BDKRB2: variants seen among roughly 807,000 people sequenced by gnomAD.
The protein encoded by BDKRB2 is B2 bradykinin receptor.
Under a neutral mutation model 4.0 loss-of-function variants are expected in BDKRB2, and 6 were observed. The observed-to-expected ratio is 1.49, with a 90% CI of 0.81 to 2.93. The LOEUF (loss-of-function observed/expected upper bound fraction) is 2.93, where lower values mean the gene tolerates loss of function less well. BDKRB2 is among the 30% of genes most tolerant of loss of function. The probability of loss-of-function intolerance (pLI) is 0.00; values close to 1 mark genes in which losing one functional copy is unlikely to be tolerated. For missense variants in BDKRB2, 478 were observed against 520.1 expected, an observed-to-expected ratio of 0.92 and a Z score of 0.79; for synonymous variants, 225 against 215.3, an observed-to-expected ratio of 1.05 and a Z score of -0.40.
In BDKRB2 at chr14:96,205,847, T is replaced by C. The variant is rs150939500; in HGVS notation, c.-40+888T>C. Among the ~76,000 whole-genome samples the C allele has an allele frequency of 4.6e-3, 704 of 152,194 alleles. 1 individual carries two copies. Among genetic ancestry groups the C allele is most frequent in the Middle Eastern group, 0.017 (5 of 294 alleles). On this transcript the variant is annotated intron_variant, in intron 1 of 2. Coordinates refer to ENST00000554311, the MANE Select transcript of BDKRB2 (RefSeq NM_001379692.1). ...CGTGATTCGAGTTGCTGAGAGTAGG[T>C]CGTTTCCGCAGCCTGGGTGGAGGTG...
chr14:96,235,347 CAAAAAAAAAA>C (rs60409238), intron 1 of BDKRB2, among the ~76,000 whole-genome samples: 3 of 67,222 alleles, frequency 4.5e-5, no homozygotes, highest in African/African-American at 1.2e-4. Flanking sequence ...GACTCCGTCT[CAAAAAAAAAA>C]AAAAAAAAAA....
At chr14:96,220,159 C>A (rs1890524204) in intron 1 of BDKRB2, among the ~76,000 whole-genome samples, 1 of 152,044 alleles carries the variant, frequency 6.6e-6, no homozygotes, top group Non-Finnish European at 1.5e-5. Context: ...CAGAAGTCCC[C>A]AAGGGCATAG....
chr14:96,210,029 A>T (rs1890271230), intron 1 of BDKRB2, among the ~76,000 whole-genome samples: 1 of 152,016 alleles, frequency 6.6e-6, no homozygotes, highest in South Asian at 2.1e-4. Flanking sequence ...CATCATCATC[A>T]TCATCATAGC....
intron 1 of BDKRB2, among the ~76,000 whole-genome samples, chr14:96,224,262 A>G (rs1368064023): frequency 2.0e-5 from 3 of 152,162 alleles, no homozygotes; most frequent in Admixed American, 2.0e-4. Flanking sequence ...GGTATATTCC[A>G]AATTTTCCAT....
chr14:96,227,740 A>G (rs1890732564), intron 1 of BDKRB2, among the ~76,000 whole-genome samples: 1 of 152,080 alleles, frequency 6.6e-6, no homozygotes, highest in Non-Finnish European at 1.5e-5. Context: ...CACTGTGGCT[A>G]CTCCTCTGTA....
At chr14:96,222,852 T>C (rs903377595) in intron 1 of BDKRB2, among the ~76,000 whole-genome samples, 4 of 152,258 alleles carry the variant, frequency 2.6e-5, no homozygotes, top group South Asian at 2.1e-4. Context: ...TTATATCTCA[T>C]ATATAACCAA....
chr14:96,239,400 C>T, intron 2 of BDKRB2: 2 of 985,384 alleles, frequency 2.0e-6, no homozygotes, highest in Non-Finnish European at 2.4e-6. Flanking sequence ...TCATGGCTGT[C>T]CAAGCCCCAC....
intron 1 of BDKRB2, chr14:96,214,888 A>G (rs1890383007): frequency 6.6e-6 from 1 of 152,246 alleles, no homozygotes; most frequent in South Asian, 2.1e-4. Flanking sequence ...TCCATAAAGC[A>G]AGAAAAATCA....
chr14:96,210,545 T>C (rs1890280959), intron 1 of BDKRB2, among the ~76,000 whole-genome samples: 1 of 152,234 alleles, frequency 6.6e-6, no homozygotes, highest in Non-Finnish European at 1.5e-5. Context: ...TTACAATTGA[T>C]GTGTCCTTGT....
At chr14:96,208,201 C>A (rs916508820) in intron 1 of BDKRB2, among the ~76,000 whole-genome samples, 1 of 152,196 alleles carries the variant, frequency 6.6e-6, no homozygotes, top group Admixed American at 6.5e-5. Flanking sequence ...CCTCTGAGCT[C>A]CTCTGGTTTT....
chr14:96,242,359 A>G lies in BDKRB2; in HGVS notation c.*855A>G, dbSNP rs1196907119. On this transcript the variant is annotated 3_prime_UTR_variant, in exon 3 of 3. Transcript: ENST00000554311. The stretch of plus-strand genomic sequence containing the variant: ...TCCCTGCCTCAGTTCCCTCTTCTGT[A>G]ACATGAAGTCGTTGTGAGGGTTAAA... The G allele has an allele frequency of 2.6e-5, 4 of 152,266 alleles. No homozygotes were observed. The highest frequency in any genetic ancestry group is 6.5e-5 in the Admixed American group (1 of 15,288). The allele number at this position is 152,266 out of a possible 1,614,324, so 9.4% of individuals were successfully genotyped here. A position where few individuals can be genotyped will look rare whatever the true frequency, so the allele number is the denominator to read the frequency against.
chr14:96,230,576 G>A lies in BDKRB2; in HGVS notation c.-39-6493G>A, dbSNP rs546618255. On this transcript the variant is annotated intron_variant, in intron 1 of 2. Coordinates refer to ENST00000554311, the MANE Select transcript of BDKRB2 (RefSeq NM_001379692.1). The stretch of plus-strand genomic sequence containing the variant: ...CACCCAGCTAATTTTTATATTTTTA[G>A]TAGAGACGGGGCTTAATATTAGTTT... 2.1e-5 allele frequency among the ~76,000 whole-genome samples: 3 copies of A among 144,136 alleles called. No homozygotes were observed. The South Asian group carries it at 6.6e-4, about 32-fold the overall frequency. 94.6% of individuals were successfully genotyped at this position (144,136 alleles called of 152,430 possible).
intron 2 of BDKRB2, chr14:96,238,764 C>T: frequency 1.0e-6 from 1 of 985,934 alleles, no homozygotes; most frequent in Non-Finnish European, 1.2e-6. Flanking sequence ...GCTCTAGAGT[C>T]ACCTCCAACC....
chr14:96,216,768 AAGGAGGAGG>A (rs1214395657), intron 1 of BDKRB2, among the ~76,000 whole-genome samples: 5 of 95,976 alleles, frequency 5.2e-5, no homozygotes, highest in East Asian at 2.8e-4. Context: ...GAGGAGGAGG[AAGGAGGAGG>A]AGGAGGAGGA....
chr14:96,240,268 G>T (rs773567824), intron 2 of BDKRB2, 135 bp from the exon 3 acceptor site: 158 of 1,336,598 alleles, frequency 1.2e-4, no homozygotes, highest in Non-Finnish European at 1.5e-4. Context: ...GCGGGCTGCA[G>T]AAAACAGCCT....
chr14:96,237,066 C>T lies in BDKRB2; in HGVS notation c.-39-3C>T. ...ATCTAACCATCTTTTCTTCTCTGTTCAGCCCAGGTGTGGCCTCACTCACAT... is the reference window on the plus strand; with the variant it reads ...ATCTAACCATCTTTTCTTCTCTGTTTAGCCCAGGTGTGGCCTCACTCACAT... On this transcript the variant is annotated splice_polypyrimidine_tract_variant and splice_region_variant and intron_variant, in intron 1 of 2. Coordinates refer to ENST00000554311, the MANE Select transcript of BDKRB2 (RefSeq NM_001379692.1). 1 of 1,520,966 alleles carries T rather than the reference C, an allele frequency of 6.6e-7. No individual in the cohort carries two copies. The highest frequency in any genetic ancestry group is 9.1e-7 in the Non-Finnish European group (1 of 1,095,070). The allele number at this position is 1,520,966 out of a possible 1,614,324, so 94.2% of individuals were successfully genotyped here.
At chr14:96,214,145 C>T (rs1890364202) in intron 1 of BDKRB2, among the ~76,000 whole-genome samples, 1 of 152,188 alleles carries the variant, frequency 6.6e-6, no homozygotes, top group Admixed American at 6.5e-5. Context: ...TGCATGTCCC[C>T]TCACTCCCTG....
chr14:96,205,634 C>G (rs1003189065), intron 1 of BDKRB2, among the ~76,000 whole-genome samples: 2 of 152,294 alleles, frequency 1.3e-5, no homozygotes, highest in South Asian at 2.1e-4. Context: ...CAAGCACCGG[C>G]TTTGCATCCG....
chr14:96,239,236 C>T (rs1885198850), intron 2 of BDKRB2: 14 of 980,596 alleles, frequency 1.4e-5, no homozygotes, highest in Non-Finnish European at 1.1e-5. Context: ...AGTGTGTCTT[C>T]GCATCCACTC....
Sources: allele counts gnomAD v4.1 joint callset (sites outside exome capture counted in the v4.1 genomes callset), GRCh38; gene constraint gnomAD v4.1.1; transcripts MANE v1.5; gene names NCBI Gene and HGNC (gene_info 2026-07-23, HGNC 2026-07-21).